XKR9: variants seen among roughly 807,000 people sequenced by gnomAD.
The protein encoded by XKR9 is XK-related protein 9.
XKR9 carries 32 observed loss-of-function variants against 32.0 expected under a neutral mutation model. The ratio of observed to expected loss-of-function variants is 1.00; its 90% confidence interval spans 0.76 to 1.34. XKR9 has a LOEUF of 1.34. Ranked by LOEUF, XKR9 falls within the 40% of genes most tolerant of loss-of-function variation. XKR9 has a pLI of 0.00. For missense variants in XKR9, 546 were observed against 429.7 expected, an observed-to-expected ratio of 1.27 and a Z score of -2.39; for synonymous variants, 168 against 143.4, an observed-to-expected ratio of 1.17 and a Z score of -1.22.
chr8:70,889,534 G>C, the XKR9 span, among the ~76,000 whole-genome samples: 2 of 151,726 alleles, frequency 1.3e-5, no homozygotes, highest in Admixed American at 1.3e-4. Context: ...CCAATAGTTA[G>C]TTTTTCAACA....
chr8:70,771,706 G>A (rs1198295002), intron 2 of XKR9, among the ~76,000 whole-genome samples: 1 of 152,162 alleles, frequency 6.6e-6, no homozygotes, highest in Non-Finnish European at 1.5e-5. Flanking sequence ...CTTTGGTAGG[G>A]TGGTAATAGC....
the XKR9 span, among the ~76,000 whole-genome samples, chr8:70,850,293 C>G: frequency 4.6e-5 from 7 of 151,810 alleles, no homozygotes; most frequent in South Asian, 1.3e-3. Context: ...AACCCTGACT[C>G]TACTAAAAAT....
chr8:70,776,947 C>CTCTCTCTCTCTCTCTCTCTCTATATA, intron 2 of XKR9, among the ~76,000 whole-genome samples: 5 of 54,210 alleles, frequency 9.2e-5, no homozygotes, highest in African/African-American at 3.2e-4. Context: ...CTCTCTCTCT[C>CTCTCTCTCTCTCTCTCTCTCTATATA]TATATATATA....
At chr8:70,699,585 A>T (rs1805435833) in intron 3 of XKR9, among the ~76,000 whole-genome samples, 1 of 152,182 alleles carries the variant, frequency 6.6e-6, no homozygotes, top group African/African-American at 2.4e-5. Flanking sequence ...TTTGTGGGTA[A>T]CCCAACCTTT....
At chr8:70,827,394 A>G in the XKR9 span, among the ~76,000 whole-genome samples, 2 of 152,156 alleles carry the variant, frequency 1.3e-5, no homozygotes, top group Non-Finnish European at 2.9e-5. Flanking sequence ...TTTAGCTTCC[A>G]CCCTGTCCTC....
the XKR9 span, among the ~76,000 whole-genome samples, chr8:71,050,236 G>GATATATATATATAT: frequency 7.3e-5 from 9 of 123,546 alleles, no homozygotes; most frequent in Non-Finnish European, 1.5e-4. Flanking sequence ...GCCTGGCAGA[G>GATATATATATATAT]ATATATATAT....
chr8:70,994,595 A>G, the XKR9 span, among the ~76,000 whole-genome samples: 3 of 151,356 alleles, frequency 2.0e-5, no homozygotes, highest in African/African-American at 7.3e-5. Context: ...GTGTTACTTG[A>G]TTTTTTCTGG....
the XKR9 span, among the ~76,000 whole-genome samples, chr8:70,809,338 A>T: frequency 6.6e-6 from 1 of 152,162 alleles, no homozygotes; most frequent in Admixed American, 6.5e-5. Flanking sequence ...AACCACAAAC[A>T]TGGGAAAAAA....
the XKR9 span, among the ~76,000 whole-genome samples, chr8:71,004,780 TG>T: frequency 6.6e-6 from 1 of 152,110 alleles, no homozygotes; most frequent in Non-Finnish European, 1.5e-5. Flanking sequence ...ACTTACTGGG[TG>T]GGGAAAAACG....
chr8:70,704,117 G>A (rs530174132), intron 3 of XKR9, among the ~76,000 whole-genome samples: 56 of 152,254 alleles, frequency 3.7e-4, no homozygotes, highest in African/African-American at 1.1e-3. Flanking sequence ...GGGAGGTGGA[G>A]CTTGCAGTGA....
the XKR9 span, among the ~76,000 whole-genome samples, chr8:70,998,167 T>C: frequency 6.6e-6 from 1 of 152,376 alleles, no homozygotes; most frequent in African/African-American, 2.4e-5. Context: ...TCTCAGTTAG[T>C]AATAACAAAC....
chr8:70,866,654 T>A, the XKR9 span, among the ~76,000 whole-genome samples: 4 of 151,864 alleles, frequency 2.6e-5, no homozygotes, highest in Non-Finnish European at 5.9e-5. Context: ...TGGCTAATTT[T>A]TTTGAATTTT....
chr8:71,021,033 CT>C, the XKR9 span, among the ~76,000 whole-genome samples: 33 of 152,132 alleles, frequency 2.2e-4, no homozygotes, highest in African/African-American at 7.7e-4. Context: ...CCTTGGGCTG[CT>C]TTTCCTCATG....
downstream of XKR9, among the ~76,000 whole-genome samples, chr8:70,738,489 A>G (rs10096407): frequency 1.1e-4 from 16 of 149,086 alleles, no homozygotes; most frequent in East Asian, 7.7e-4. Context: ...GTCTGATTTT[A>G]GTTATTTCTT....
the XKR9 span, among the ~76,000 whole-genome samples, chr8:71,004,360 AAG>A: frequency 2.0e-5 from 3 of 152,154 alleles, no homozygotes; most frequent in African/African-American, 7.2e-5. Flanking sequence ...TAGAGAGAAA[AAG>A]AGTGACACAG....
the XKR9 span, among the ~76,000 whole-genome samples, chr8:70,885,949 G>A: frequency 6.6e-6 from 1 of 151,984 alleles, no homozygotes; most frequent in Non-Finnish European, 1.5e-5. Flanking sequence ...GTGCAGTTTT[G>A]TTACATAGGT....
chr8:70,721,482 A>T (rs1332314035), intron 4 of XKR9, among the ~76,000 whole-genome samples: 1 of 152,176 alleles, frequency 6.6e-6, no homozygotes, highest in East Asian at 1.9e-4. Context: ...GCTGTGTCCC[A>T]GAGATTCTGG....
chr8:70,776,954 T>TATATATATATATATATATATATAC lies in XKR9; in HGVS notation n.353-12375_353-12374insATATATATATATACATATATATAT, dbSNP rs1286110884. On this transcript the variant is annotated intron_variant and non_coding_transcript_variant, in intron 2 of 3. Coordinates refer to the XKR9 transcript ENST00000520273. ...CTCTCTCTCTCTCTCTCTCTATATA[T>TATATATATATATATATATATATAC]ATATATATATGTATGTATTATACTT... is the stretch of plus-strand genomic sequence containing the variant. Among the ~76,000 whole-genome samples the TATATATATATATATATATATATAC allele has an allele frequency of 6.7e-3, 587 of 87,568 alleles. 5 individuals carry two copies. Among genetic ancestry groups the TATATATATATATATATATATATAC allele is most frequent in the African/African-American group, 8.5e-3 (253 of 29,758 alleles). The allele number at this position is 87,568 out of a possible 152,430, so 57.4% of individuals were successfully genotyped here. A position where few individuals can be genotyped will look rare whatever the true frequency, so the allele number is the denominator to read the frequency against.
the XKR9 span, among the ~76,000 whole-genome samples, chr8:71,021,498 C>CTTTT: frequency 4.9e-4 from 50 of 101,394 alleles, no homozygotes; most frequent in Admixed American, 6.6e-4. Flanking sequence ...TTGATGGTTT[C>CTTTT]TTTTTTTTTT....
Sources: gnomAD v4.1 joint callset for allele counts (sites outside exome capture counted in the v4.1 genomes callset) on GRCh38, gnomAD v4.1.1 for gene constraint, MANE v1.5 for transcripts, NCBI Gene and HGNC (gene_info 2026-07-23, HGNC 2026-07-21) for gene names.